The following RIPOR2 variants were observed in gnomAD, a reference collection of about 807,000 sequenced individuals.
RIPOR2 encodes the protein rho family-interacting cell polarization regulator 2.
Under a neutral mutation model 114.5 loss-of-function variants are expected in RIPOR2, and 39 were observed. The observed-to-expected ratio is 0.34, with a 90% CI of 0.26 to 0.44. The LOEUF is 0.44. Ranked by LOEUF, RIPOR2 falls within the 20% of genes least tolerant of loss-of-function variation. The pLI is 1.00. For synonymous variants in RIPOR2, 445 were observed against 484.4 expected, an observed-to-expected ratio of 0.92 and a Z score of 1.07; for missense variants, 1,007 against 1,255.1, an observed-to-expected ratio of 0.80 and a Z score of 2.99.
intron 1 of RIPOR2, among the ~76,000 whole-genome samples, chr6:25,025,548 A>G (rs1027527963): frequency 1.3e-5 from 2 of 152,194 alleles, no homozygotes; most frequent in East Asian, 1.9e-4. Flanking sequence ...GTGCCTTAAA[A>G]AGAGAAAAAC....
intron 20 of RIPOR2, 64 bp from the exon 21 acceptor site, chr6:24,809,871 G>A: frequency 2.8e-6 from 3 of 1,083,076 alleles, no homozygotes; most frequent in Non-Finnish European, 4.2e-6. Flanking sequence ...ACGAGACTTG[G>A]CATTTCACAA....
At chr6:24,988,667 G>C (rs1774646633) in intron 1 of RIPOR2, among the ~76,000 whole-genome samples, 1 of 109,412 alleles carries the variant, frequency 9.1e-6, no homozygotes, top group Non-Finnish European at 2.0e-5. Flanking sequence ...CCCAACATCT[G>C]GTTGTGTGTG....
intron 1 of RIPOR2, among the ~76,000 whole-genome samples, chr6:24,972,774 A>G (rs910418592): frequency 6.6e-6 from 1 of 152,204 alleles, no homozygotes; most frequent in African/African-American, 2.4e-5. Context: ...TTGGCAGCAT[A>G]TGTTATGGAA....
intron 1 of RIPOR2, among the ~76,000 whole-genome samples, chr6:24,956,273 A>T (rs1235126018): frequency 1.3e-5 from 2 of 152,160 alleles, no homozygotes; most frequent in African/African-American, 4.8e-5. Context: ...TTTCCCTCTT[A>T]CAATAGATCA....
Position 24,809,808 on chromosome 6 carries a change from C to T in RIPOR2, c.2953-1G>A. ...CCAGCATTTTAATGCTTTCAGTAGC[C>T]TATGGGGGAAAAATAGGTTAAATCG... On this transcript the variant is annotated splice_acceptor_variant, in intron 20 of 21. Coordinates refer to ENST00000643898, the MANE Select transcript of RIPOR2 (RefSeq NM_001286445.3). LOFTEE classifies it high-confidence loss of function. 6.5e-7 allele frequency: 1 copy of T among 1,538,310 alleles called. No individual in the cohort carries two copies. Among genetic ancestry groups the T allele is most frequent in the Non-Finnish European group, 8.8e-7 (1 of 1,134,918 alleles).
intron 19 of RIPOR2, among the ~76,000 whole-genome samples, chr6:24,821,261 C>A (rs1759679620): frequency 6.7e-6 from 1 of 148,996 alleles, no homozygotes; most frequent in South Asian, 2.1e-4. Context: ...CGGCTCACTG[C>A]AACCTCTGCC....
intron 12 of RIPOR2, 117 bp downstream of exon 12, chr6:24,847,908 T>C: frequency 7.4e-7 from 1 of 1,353,182 alleles, no homozygotes; most frequent in Non-Finnish European, 1.0e-6. Context: ...CAGAGGAGGC[T>C]CACCACCTCT....
At chr6:24,856,293 C>T (rs1436725927) in intron 8 of RIPOR2, among the ~76,000 whole-genome samples, 2 of 152,094 alleles carry the variant, frequency 1.3e-5, no homozygotes, top group Admixed American at 6.5e-5. Context: ...AAAAGACTTA[C>T]TGAAATAAGA....
rs1030255011 is a variant in RIPOR2 at position 24,832,282 on chromosome 6, A to G, written c.2318T>C (p.Ile773Thr). 23 of 1,551,632 alleles carry G rather than the reference A, an allele frequency of 1.5e-5. No individual in the cohort carries two copies. The highest frequency in any genetic ancestry group is 5.9e-5 in the Admixed American group (3 of 50,988). Residue 773 changes from isoleucine to threonine, a missense_variant, in exon 16 of 22, where the codon ATA (isoleucine) becomes ACA (threonine). Transcript: ENST00000643898. Reference sequence around the variant, plus strand: ...TTCCACAACAGAACTGATATTTCCTATGTTCTCATCACTGACAGCTGCGAG... The same window carrying G: ...TTCCACAACAGAACTGATATTTCCTGTGTTCTCATCACTGACAGCTGCGAG... ...EKLAAVSDEN[I>T]GNISSVVEAI...
intron 19 of RIPOR2, among the ~76,000 whole-genome samples, chr6:24,818,874 A>C (rs950954956): frequency 1.1e-4 from 16 of 151,612 alleles, no homozygotes; most frequent in African/African-American, 3.9e-4. Flanking sequence ...CAATTTATTG[A>C]GTAACATAAT....
intron 6 of RIPOR2, among the ~76,000 whole-genome samples, chr6:24,867,173 T>A (rs575205273): frequency 6.6e-6 from 1 of 152,364 alleles, no homozygotes; most frequent in African/African-American, 2.4e-5. Context: ...CTGAAAAGAA[T>A]CATCTTTAAT....
Position 24,832,286 on chromosome 6 carries a change from T to TCCCACAA in RIPOR2, c.2313_2314insTTGTGGG (p.Asn772LeufsTer80). ...ACAACAGAACTGATATTTCCTATGT[T>TCCCACAA]CTCATCACTGACAGCTGCGAGTTTC... On this transcript the variant is annotated frameshift_variant, in exon 16 of 22. Transcript: ENST00000643898. LOFTEE classifies it high-confidence loss of function. 6.4e-7 allele frequency: 1 copy of TCCCACAA among 1,551,804 alleles called. No individual in the cohort carries two copies. Among genetic ancestry groups the TCCCACAA allele is most frequent in the South Asian group, 1.2e-5 (1 of 84,060 alleles).
intron 1 of RIPOR2, among the ~76,000 whole-genome samples, chr6:24,993,834 A>C (rs966509580): frequency 2.6e-5 from 4 of 152,260 alleles, no homozygotes; most frequent in African/African-American, 4.8e-5. Context: ...ACAGTCTCAC[A>C]AATTGCATAT....
intron 1 of RIPOR2, among the ~76,000 whole-genome samples, chr6:25,002,260 T>C (rs1256117933): frequency 6.6e-6 from 1 of 152,210 alleles, no homozygotes; most frequent in Non-Finnish European, 1.5e-5. Flanking sequence ...ATATAAGTAT[T>C]GGGTATTTTC....
At chr6:24,825,761 T>C (rs1261520656) in intron 18 of RIPOR2, among the ~76,000 whole-genome samples, 2 of 152,132 alleles carry the variant, frequency 1.3e-5, no homozygotes, top group African/African-American at 4.8e-5. Flanking sequence ...ACAATCTTCC[T>C]AATATATGTA....
At chr6:24,821,189 T>G (rs1166343662) in intron 19 of RIPOR2, among the ~76,000 whole-genome samples, 1 of 149,680 alleles carries the variant, frequency 6.7e-6, no homozygotes, top group East Asian at 1.9e-4. Flanking sequence ...ACACTGTTTT[T>G]TTTTTTTTTT....
intron 13 of RIPOR2, among the ~76,000 whole-genome samples, chr6:24,841,846 G>A (rs1761754699): frequency 6.6e-6 from 1 of 151,744 alleles, no homozygotes; most frequent in South Asian, 2.1e-4. Flanking sequence ...TCTAACTCCT[G>A]GGCTCAAGTC....
At chr6:24,846,529 C>A (rs577524100) in intron 12 of RIPOR2, among the ~76,000 whole-genome samples, 28 of 151,746 alleles carry the variant, frequency 1.8e-4, no homozygotes, top group Non-Finnish European at 3.2e-4. Flanking sequence ...TGGTCTTGAA[C>A]TCCTGGGCTC....
chr6:25,025,773 G>C (rs1267595760), intron 1 of RIPOR2, among the ~76,000 whole-genome samples: 4 of 152,250 alleles, frequency 2.6e-5, no homozygotes, highest in Middle Eastern at 3.4e-3. Context: ...TCACTTTAAG[G>C]AGCAATCTTT....
Sources: gnomAD v4.1 joint callset for allele counts (sites outside exome capture counted in the v4.1 genomes callset) on GRCh38, gnomAD v4.1.1 for gene constraint, MANE v1.5 for transcripts, NCBI Gene and HGNC (gene_info 2026-07-23, HGNC 2026-07-21) for gene names.